Variants in RBFOX3 observed in about 807,000 individuals in gnomAD.
RBFOX3 encodes RNA binding fox-1 homolog 3, also known as RNA binding protein fox-1 homolog 3.
In RBFOX3, 17 loss-of-function variants were observed where a neutral mutation model predicts 48.7. The observed-to-expected ratio is 0.35, with a 90% confidence interval of 0.24 to 0.52. RBFOX3 has a LOEUF of 0.52. Among genes scored for constraint, RBFOX3 ranks in the 20% least tolerant of loss-of-function variants. RBFOX3 has a pLI of 0.94. For synonymous variants in RBFOX3, 212 were observed against 209.5 expected (o/e 1.01, Z -0.10); for missense variants, 382 against 497.5 (o/e 0.77, Z 2.21).
At chr17:79,108,826 C>A (rs548738895) in intron 5 of RBFOX3, among the ~76,000 whole-genome samples, 62 of 152,330 alleles carry the variant, frequency 4.1e-4, no homozygotes, top group Non-Finnish European at 6.9e-4. Flanking sequence ...CAGCCTCCCC[C>A]GTACCACAGC....
At chr17:79,575,075 C>G (rs1393498327) in intron 1 of RBFOX3, among the ~76,000 whole-genome samples, 2 of 152,234 alleles carry the variant, frequency 1.3e-5, no homozygotes, top group Non-Finnish European at 2.9e-5. Context: ...CTGGGGTCTA[C>G]CCCCTAGGTT....
chr17:79,476,979 C>T (rs1044311830), intron 2 of RBFOX3, among the ~76,000 whole-genome samples: 61 of 151,918 alleles, frequency 4.0e-4, no homozygotes, highest in South Asian at 1.0e-3. Context: ...CACCCTGTAA[C>T]CCCAGCACTT....
chr17:79,097,150 G>A, intron 11 of RBFOX3, 142 bp downstream of exon 11: 1 of 742,822 alleles, frequency 1.3e-6, no homozygotes, highest in African/African-American at 1.8e-5. Flanking sequence ...CTGCAGGGCT[G>A]AGTTCTGGGG....
chr17:79,394,684 T>C (rs1234029231), intron 2 of RBFOX3, among the ~76,000 whole-genome samples: 2 of 152,240 alleles, frequency 1.3e-5, no homozygotes, highest in East Asian at 1.9e-4. Context: ...CCTTGGACCA[T>C]GCCTCTTTAT....
chr17:79,365,610 T>A (rs2057626764), intron 2 of RBFOX3, among the ~76,000 whole-genome samples: 1 of 152,248 alleles, frequency 6.6e-6, no homozygotes. Flanking sequence ...TGAAAAATGC[T>A]TTAACGGAAT....
At position 79,195,752 on chromosome 17, in the gene RBFOX3, T is replaced by C. The variant is rs1361545993; in HGVS notation, c.-34+40014A>G. On this transcript the variant is annotated intron_variant, in intron 4 of 14. Transcript: ENST00000693108. This position sits in a 1 kb window ranked among gnomAD's most constrained non-coding sequence, Gnocchi z 5.3. Reference sequence around the variant, plus strand: ...AGGAAACCAGCACTCTGTTTTGGGGTTTGGGGATGAGCTCACAGGCAAATA... The same window carrying C: ...AGGAAACCAGCACTCTGTTTTGGGGCTTGGGGATGAGCTCACAGGCAAATA... Among the ~76,000 whole-genome samples, 1 of 151,996 alleles carries C rather than the reference T, an allele frequency of 6.6e-6. No individual in the cohort carries two copies. The highest frequency in any genetic ancestry group is 1.5e-5 in the Non-Finnish European group (1 of 67,992).
At position 79,127,121 on chromosome 17, in the gene RBFOX3, G is replaced by A. The variant is rs182460220; in HGVS notation, c.-33-11373C>T. On this transcript the variant is annotated intron_variant, in intron 4 of 14. Transcript: ENST00000693108. ...ACAGGTCAAGAGTCACAGGCAAATGGCTCTGGTTGGATCTGAATCCGGGCC... is the reference window on the plus strand; with the variant it reads ...ACAGGTCAAGAGTCACAGGCAAATGACTCTGGTTGGATCTGAATCCGGGCC... 6.6e-5 allele frequency among the ~76,000 whole-genome samples: 10 copies of A among 152,354 alleles called. No homozygotes were observed. The East Asian group carries it at 1.7e-3, about 26-fold the overall frequency.
chr17:79,254,674 G>A lies in RBFOX3; in HGVS notation c.-73-18869C>T, dbSNP rs919324838. Among the ~76,000 whole-genome samples the A allele has an allele frequency of 6.6e-6, 1 of 152,086 alleles. No homozygotes were observed. The highest frequency in any genetic ancestry group is 6.5e-5 in the Admixed American group (1 of 15,270). ...CACTTCTGAGCCCTCTTGGCGATTC[G>A]TATACTTGCCCCTCCATGCAGTGTC... On this transcript the variant is annotated intron_variant, in intron 3 of 14. Transcript: ENST00000693108. This position sits in a 1 kb window ranked among gnomAD's most constrained non-coding sequence, Gnocchi z 4.8.
intron 4 of RBFOX3, among the ~76,000 whole-genome samples, chr17:79,159,572 C>T (rs1245198745): frequency 6.6e-6 from 1 of 152,186 alleles, no homozygotes; most frequent in Non-Finnish European, 1.5e-5. Flanking sequence ...AAATGCTCAC[C>T]TGGTCTCAGC....
rs143244621 is a variant in RBFOX3, at chr17:79,185,853, C to T, written c.-34+49913G>A. Among the ~76,000 whole-genome samples the T allele has an allele frequency of 2.4e-4, 37 of 152,210 alleles. No individual in the cohort carries two copies. In the East Asian group the frequency reaches 6.8e-3, roughly 28 times the overall value. On this transcript the variant is annotated intron_variant, in intron 4 of 14. Coordinates refer to ENST00000693108, the MANE Select transcript of RBFOX3 (RefSeq NM_001350451.2). ...ACCCACTATATGCAGACAGTGTGCT[C>T]GGTGCTGGGGCTGCAGAAATCAAGT...
intron 4 of RBFOX3, among the ~76,000 whole-genome samples, chr17:79,201,748 C>T (rs935816991): frequency 3.9e-5 from 6 of 152,222 alleles, no homozygotes; most frequent in Non-Finnish European, 8.8e-5. Flanking sequence ...AGCTCACACA[C>T]AGCACCCCCT....
intron 3 of RBFOX3, among the ~76,000 whole-genome samples, chr17:79,275,029 A>C (rs1228984603): frequency 2.2e-5 from 3 of 137,576 alleles, no homozygotes; most frequent in Non-Finnish European, 3.1e-5. Context: ...TAGGAGCCAA[A>C]CTGGTCCTGC....
At chr17:79,411,966 G>C (rs2064425370) in intron 2 of RBFOX3, among the ~76,000 whole-genome samples, 1 of 151,532 alleles carries the variant, frequency 6.6e-6, no homozygotes, top group African/African-American at 2.4e-5. Context: ...GTGTATATAT[G>C]CCTGTGGGCA....
intron 4 of RBFOX3, among the ~76,000 whole-genome samples, chr17:79,116,479 C>T (rs1226494242): frequency 2.0e-5 from 3 of 152,248 alleles, no homozygotes; most frequent in Non-Finnish European, 2.9e-5. Flanking sequence ...CGCACTATTG[C>T]GCTCCAGCCT....
rs192737067 is a variant in RBFOX3 at position 79,148,811 on chromosome 17, G to A, written c.-33-33063C>T. 1.6e-4 allele frequency among the ~76,000 whole-genome samples: 24 copies of A among 152,322 alleles called. No individual in the cohort carries two copies. The East Asian group carries it at 3.7e-3, about 23-fold the overall frequency. ...CCCTGCAGCCTCCGAGGGCCTCTGC[G>A]GGCCTGGCTGGGGTAGGCTAAGGCC... On this transcript the variant is annotated intron_variant, in intron 4 of 14. Transcript: ENST00000693108.
chr17:79,623,936 C>T, the RBFOX3 span, among the ~76,000 whole-genome samples: 4 of 151,824 alleles, frequency 2.6e-5, no homozygotes, highest in African/African-American at 9.7e-5. Context: ...GTGAGGGCTT[C>T]CATCTTGAAG....
chr17:79,503,685 C>T (rs2149759208), intron 1 of RBFOX3, among the ~76,000 whole-genome samples: 1 of 152,282 alleles, frequency 6.6e-6, no homozygotes, highest in East Asian at 1.9e-4. Context: ...TGCAGCCCCA[C>T]AACCAAGGGA....
intron 1 of RBFOX3, among the ~76,000 whole-genome samples, chr17:79,489,240 TAA>T (rs71161671): frequency 0.29 from 37,228 of 126,510 alleles, 5,301 homozygotes; most frequent in Middle Eastern, 0.39. Flanking sequence ...GCCAGAAAGT[TAA>T]AAAAAAAAAA....
intron 4 of RBFOX3, among the ~76,000 whole-genome samples, chr17:79,201,832 G>A (rs961119974): frequency 1.8e-4 from 27 of 152,184 alleles, no homozygotes; most frequent in African/African-American, 6.0e-4. Flanking sequence ...GAGGCTGGGG[G>A]AGATTGACGA....
Sources: allele counts gnomAD v4.1 joint callset (sites outside exome capture counted in the v4.1 genomes callset), GRCh38; gene constraint gnomAD v4.1.1; non-coding constraint Gnocchi (gnomAD v3.1); transcripts MANE v1.5; gene names NCBI Gene and HGNC (gene_info 2026-07-23, HGNC 2026-07-21).